The following NLGN1 variants were observed in gnomAD, a reference collection of about 807,000 sequenced individuals.
NLGN1 encodes neuroligin 1, also known as neuroligin-1.
In NLGN1, 12 loss-of-function variants were observed where a neutral mutation model predicts 65.5. The ratio of observed to expected loss-of-function variants is 0.18; its 90% CI spans 0.12 to 0.30. The LOEUF is 0.30. NLGN1 is among the 10% of genes least tolerant of loss of function. The pLI is 1.00. For synonymous variants in NLGN1, 350 were observed against 359.5 expected, an observed-to-expected ratio of 0.97 and a Z score of 0.30; for missense variants, 750 against 1,007.1, an observed-to-expected ratio of 0.74 and a Z score of 3.46.
downstream of NLGN1, among the ~76,000 whole-genome samples, chr3:174,289,149 A>G (rs546206215): frequency 1.3e-5 from 2 of 151,508 alleles, no homozygotes; most frequent in South Asian, 4.1e-4. Flanking sequence ...TAATAGAGAC[A>G]GTGTGTAAAG....
intron 2 of NLGN1, among the ~76,000 whole-genome samples, chr3:173,520,994 G>A (rs905929431): frequency 2.0e-5 from 3 of 152,190 alleles, no homozygotes; most frequent in African/African-American, 7.2e-5. Context: ...ATAGTGTTCA[G>A]TGTGTGTGCA....
At chr3:174,056,708 A>G (rs1736188068) in intron 4 of NLGN1, among the ~76,000 whole-genome samples, 1 of 152,016 alleles carries the variant, frequency 6.6e-6, no homozygotes, top group African/African-American at 2.4e-5. Flanking sequence ...TCTGTATGCC[A>G]TTTACAAATA....
chr3:173,693,247 G>A (rs559093616), intron 3 of NLGN1, among the ~76,000 whole-genome samples: 1 of 152,198 alleles, frequency 6.6e-6, no homozygotes, highest in South Asian at 2.1e-4. Context: ...AGTCCTTCAT[G>A]TATTTCGGAA....
At chr3:173,581,382 T>A (rs1352854852) in intron 2 of NLGN1, among the ~76,000 whole-genome samples, 1 of 152,058 alleles carries the variant, frequency 6.6e-6, no homozygotes. Flanking sequence ...GAGTTTTCTT[T>A]CATGTTGTAA....
intron 3 of NLGN1, among the ~76,000 whole-genome samples, chr3:173,774,305 G>A (rs184133972): frequency 2.6e-5 from 4 of 152,170 alleles, no homozygotes; most frequent in South Asian, 4.1e-4. Flanking sequence ...TATGTAAAAT[G>A]TAAGTGGGGG....
intron 3 of NLGN1, among the ~76,000 whole-genome samples, chr3:173,634,585 A>G (rs1158359166): frequency 6.6e-6 from 1 of 152,132 alleles, no homozygotes; most frequent in African/African-American, 2.4e-5. Context: ...AATTTGTAAT[A>G]TATATGTGGT....
chr3:174,022,598 A>G (rs1200322158), intron 4 of NLGN1, among the ~76,000 whole-genome samples: 2 of 152,228 alleles, frequency 1.3e-5, no homozygotes, highest in Non-Finnish European at 2.9e-5. Context: ...AGGCATATGA[A>G]AAAGTGTTCA....
intron 4 of NLGN1, among the ~76,000 whole-genome samples, chr3:174,109,014 G>C (rs1171211158): frequency 6.6e-6 from 1 of 151,916 alleles, no homozygotes; most frequent in Non-Finnish European, 1.5e-5. Context: ...TATTTATACA[G>C]CAAAAACTGC....
intron 1 of NLGN1, among the ~76,000 whole-genome samples, chr3:173,417,440 TA>T (rs1230264567): frequency 6.6e-6 from 1 of 151,938 alleles, no homozygotes; most frequent in Non-Finnish European, 1.5e-5. Context: ...AGTGATTTTC[TA>T]TTTTGCTTAA....
chr3:173,489,198 T>G (rs1313712937), intron 2 of NLGN1, among the ~76,000 whole-genome samples: 2 of 152,102 alleles, frequency 1.3e-5, no homozygotes, highest in African/African-American at 2.4e-5. Flanking sequence ...ACTCATCATT[T>G]ACATTAGGTA....
At chr3:173,776,190 CG>C (rs1235736585) in intron 3 of NLGN1, among the ~76,000 whole-genome samples, 1 of 151,958 alleles carries the variant, frequency 6.6e-6, no homozygotes, top group African/African-American at 2.4e-5. Flanking sequence ...CTCCAAATAT[CG>C]GGGTAATGAA....
chr3:173,587,011 C>G (rs1039836770), intron 2 of NLGN1, among the ~76,000 whole-genome samples: 1 of 152,114 alleles, frequency 6.6e-6, no homozygotes, highest in Non-Finnish European at 1.5e-5. Flanking sequence ...TGGAATTTCT[C>G]TTTTTAAGCT....
chr3:173,952,698 T>C (rs1183523741), intron 4 of NLGN1, among the ~76,000 whole-genome samples: 1 of 152,118 alleles, frequency 6.6e-6, no homozygotes, highest in Non-Finnish European at 1.5e-5. Context: ...TACATCAGGA[T>C]AAACTGAAAA....
intron 4 of NLGN1, among the ~76,000 whole-genome samples, chr3:174,196,141 C>T (rs1261650076): frequency 6.6e-6 from 1 of 152,100 alleles, no homozygotes; most frequent in African/African-American, 2.4e-5. Flanking sequence ...TAGTTTAGTA[C>T]ATTCACTTAA....
chr3:174,163,881 G>A (rs1443858548), intron 4 of NLGN1, among the ~76,000 whole-genome samples: 1 of 152,024 alleles, frequency 6.6e-6, no homozygotes, highest in Non-Finnish European at 1.5e-5. Flanking sequence ...TGGGTATAGT[G>A]CTGCATTTAA....
At chr3:173,712,448 A>G (rs1205568010) in intron 3 of NLGN1, among the ~76,000 whole-genome samples, 1 of 152,170 alleles carries the variant, frequency 6.6e-6, no homozygotes, top group African/African-American at 2.4e-5. Flanking sequence ...TATTTAGCTC[A>G]GTGGTTAAGA....
At chr3:174,204,137 C>A (rs73168477) in intron 4 of NLGN1, among the ~76,000 whole-genome samples, 3,696 of 152,142 alleles carry the variant, frequency 0.024, 60 homozygotes, top group Admixed American at 0.031. Flanking sequence ...TTCTCCAAAT[C>A]TTTTTCTTTT....
chr3:173,706,749 C>A (rs1287254331), intron 3 of NLGN1, among the ~76,000 whole-genome samples: 1 of 152,118 alleles, frequency 6.6e-6, no homozygotes, highest in Non-Finnish European at 1.5e-5. Context: ...ATATAGTTAT[C>A]AATATGGTTA....
chr3:173,418,584 A>G (rs1346585655), intron 1 of NLGN1, among the ~76,000 whole-genome samples: 1 of 152,180 alleles, frequency 6.6e-6, no homozygotes, highest in Non-Finnish European at 1.5e-5. Context: ...CAAGTCTTTG[A>G]TAGCTAATGA....
Sources: allele counts gnomAD v4.1 joint callset (sites outside exome capture counted in the v4.1 genomes callset), GRCh38; gene constraint gnomAD v4.1.1; transcripts MANE v1.5; gene names NCBI Gene and HGNC (gene_info 2026-07-23, HGNC 2026-07-21).